UTRN: variants seen among roughly 807,000 people sequenced by gnomAD.
The protein encoded by UTRN is utrophin, also known as dystrophin-related protein 1.
UTRN carries 283 observed loss-of-function variants against 463.9 expected under a neutral mutation model. That is an observed-to-expected ratio of 0.61 (90% CI 0.55 to 0.67). UTRN has a LOEUF of 0.67. UTRN is among the 30% of genes least tolerant of loss of function. UTRN has a pLI of 0.00. For synonymous variants in UTRN, 1,442 were observed against 1,431.5 expected (o/e 1.01, Z -0.17); for missense variants, 3,922 against 4,084.3 (o/e 0.96, Z 1.08).
intron 50 of UTRN, among the ~76,000 whole-genome samples, chr6:144,569,255 A>G (rs1800712316): frequency 6.6e-6 from 1 of 152,086 alleles, no homozygotes; most frequent in African/African-American, 2.4e-5. Flanking sequence ...TTAAACTTAA[A>G]CACATACATT....
At chr6:144,741,435 A>G (rs1790066968) in intron 54 of UTRN, among the ~76,000 whole-genome samples, 1 of 152,206 alleles carries the variant, frequency 6.6e-6, no homozygotes, top group South Asian at 2.1e-4. Flanking sequence ...AAGATATTGT[A>G]CAGAGATTGA....
intron 2 of UTRN, among the ~76,000 whole-genome samples, chr6:144,319,856 A>G (rs1292298103): frequency 7.1e-6 from 1 of 141,676 alleles, no homozygotes; most frequent in Non-Finnish European, 1.6e-5. Flanking sequence ...ACTTAAGTAC[A>G]TTTTTTTTTT....
At chr6:144,493,272 A>ATT in intron 32 of UTRN, 29 bp from the exon 33 acceptor site, 1 of 1,611,336 alleles carries the variant, frequency 6.2e-7, no homozygotes, top group South Asian at 1.1e-5. Context: ...ACAGTGTGTA[A>ATT]TTTGTCTTTT....
intron 51 of UTRN, among the ~76,000 whole-genome samples, chr6:144,676,809 A>G (rs1321114506): frequency 6.6e-6 from 1 of 152,212 alleles, no homozygotes; most frequent in Admixed American, 6.6e-5. Context: ...GACTGAAAGG[A>G]CAAACTATTA....
chr6:144,343,987 C>T, intron 2 of UTRN: 1 of 323,780 alleles, frequency 3.1e-6, no homozygotes, highest in Non-Finnish European at 5.1e-6. Context: ...AAAAACCTGC[C>T]TAAGGAGTTT....
chr6:144,709,751 G>T (rs1042615263), intron 53 of UTRN, among the ~76,000 whole-genome samples: 1 of 152,102 alleles, frequency 6.6e-6, no homozygotes, highest in African/African-American at 2.4e-5. Context: ...ATTCCAAAAG[G>T]TATGATCTCA....
rs1359240955 is a variant in UTRN, at chr6:144,368,772, A to T, written c.80-34351A>T. Among the ~76,000 whole-genome samples, 5 of 151,466 alleles carry T rather than the reference A, an allele frequency of 3.3e-5. No individual in the cohort carries two copies. In the East Asian group the frequency reaches 9.7e-4, roughly 29 times the overall value. On this transcript the variant is annotated intron_variant, in intron 2 of 74. Transcript: ENST00000367545. ...CTGGGCAACTCCGTCGCAAAAAAAGAAAAAAAAAGGATTATAAATGAATAA... is the reference window on the plus strand; with the variant it reads ...CTGGGCAACTCCGTCGCAAAAAAAGTAAAAAAAAGGATTATAAATGAATAA...
chr6:144,432,552 T>G (rs570906059), intron 9 of UTRN, among the ~76,000 whole-genome samples: 1 of 152,220 alleles, frequency 6.6e-6, no homozygotes, highest in African/African-American at 2.4e-5. Context: ...CTGTGGATTG[T>G]GAAGGTGAGA....
chr6:144,472,583 C>T (rs1367848128), intron 23 of UTRN, among the ~76,000 whole-genome samples: 1 of 152,006 alleles, frequency 6.6e-6, no homozygotes, highest in Non-Finnish European at 1.5e-5. Context: ...ATGTAGTTTC[C>T]AGAGCGTGTT....
intron 13 of UTRN, among the ~76,000 whole-genome samples, chr6:144,443,627 A>C (rs1268663705): frequency 2.2e-5 from 3 of 137,420 alleles, no homozygotes; most frequent in African/African-American, 1.1e-4. Context: ...AATAATCATG[A>C]AGAGTGATTT....
Position 144,423,996 on chromosome 6 carries a change from TG to T in UTRN, c.324del (p.Asn109IlefsTer2). On this transcript the variant is annotated frameshift_variant, in exon 6 of 75. Coordinates refer to ENST00000367545, the MANE Select transcript of UTRN (RefSeq NM_007124.3). LOFTEE classifies it high-confidence loss of function. ...QVLHQNNVEL[V>X]NIGGTDIVDG... is the part of the protein sequence containing the mutation. ...GTTTTGTCTTAATAGGTGGAATTAG[TG>T]AATATAGGGGGAACTGACATTGTGG... 6.2e-7 allele frequency: 1 copy of T among 1,613,760 alleles called. No homozygotes were observed. Among genetic ancestry groups the T allele is most frequent in the Non-Finnish European group, 8.5e-7 (1 of 1,179,948 alleles).
chr6:144,751,623 A>G (rs544680096), intron 55 of UTRN, among the ~76,000 whole-genome samples, 183 bp from the exon 56 acceptor site: 6 of 152,294 alleles, frequency 3.9e-5, no homozygotes, highest in African/African-American at 1.2e-4. Flanking sequence ...TCCTGCAAAT[A>G]CTGTATTTTC....
At chr6:144,797,800 T>C (rs768829198) in intron 63 of UTRN, 24 bp from the exon 64 acceptor site, 3 of 1,608,894 alleles carry the variant, frequency 1.9e-6, no homozygotes, top group Admixed American at 1.7e-5. Flanking sequence ...TTCTTCACTT[T>C]TAATATATTT....
intron 35 of UTRN, 63 bp from the exon 36 acceptor site, chr6:144,513,846 T>G: frequency 6.4e-7 from 1 of 1,563,332 alleles, no homozygotes; most frequent in Non-Finnish European, 8.7e-7. Flanking sequence ...TTAAATCTCT[T>G]TTAAGATTAT....
intron 51 of UTRN, 88 bp from the exon 52 acceptor site, chr6:144,678,318 C>A: frequency 1.6e-6 from 2 of 1,266,340 alleles, no homozygotes; most frequent in Non-Finnish European, 2.1e-6. Flanking sequence ...GTGAAATGAA[C>A]TATTTTGCTT....
chr6:144,561,693 C>T (rs1192563195), intron 50 of UTRN, among the ~76,000 whole-genome samples: 1 of 152,126 alleles, frequency 6.6e-6, no homozygotes, highest in African/African-American at 2.4e-5. Context: ...GAAGTTATTT[C>T]AACTCACCGA....
chr6:144,465,298 A>C (rs560833566), intron 23 of UTRN, among the ~76,000 whole-genome samples: 3 of 152,360 alleles, frequency 2.0e-5, no homozygotes, highest in East Asian at 1.9e-4. Context: ...GAGCTTAAAG[A>C]GAATAAATAT....
intron 14 of UTRN, among the ~76,000 whole-genome samples, chr6:144,444,823 G>A (rs1275999070): frequency 6.6e-6 from 1 of 152,128 alleles, no homozygotes; most frequent in African/African-American, 2.4e-5. Flanking sequence ...TGAAATTAAT[G>A]AGAAAATATT....
intron 53 of UTRN, among the ~76,000 whole-genome samples, chr6:144,715,530 T>C (rs1281358450): frequency 6.6e-6 from 1 of 152,180 alleles, no homozygotes; most frequent in East Asian, 1.9e-4. Flanking sequence ...TTGCTGTTTT[T>C]TCTCTGACAC....
Sources: gnomAD v4.1 joint callset for allele counts (sites outside exome capture counted in the v4.1 genomes callset) on GRCh38, gnomAD v4.1.1 for gene constraint, MANE v1.5 for transcripts, NCBI Gene and HGNC (gene_info 2026-07-23, HGNC 2026-07-21) for gene names.